The following LAMA2 variants were observed in gnomAD, a reference collection of about 807,000 sequenced individuals.
The protein encoded by LAMA2 is laminin subunit alpha 2, also known as laminin subunit alpha-2.
In LAMA2, 269 loss-of-function variants were observed where a neutral mutation model predicts 364.8. The ratio of observed to expected loss-of-function variants is 0.74; its 90% CI spans 0.67 to 0.82. The LOEUF (loss-of-function observed/expected upper bound fraction) is 0.82. Among genes scored for constraint, LAMA2 ranks in the 40% least tolerant of loss-of-function variants. The pLI is 0.00. For missense variants in LAMA2, 3,807 were observed against 3,873.2 expected (o/e 0.98, Z 0.45); for synonymous variants, 1,379 against 1,370.6 (o/e 1.01, Z -0.14).
intron 28 of LAMA2, among the ~76,000 whole-genome samples, chr6:129,326,438 T>G (rs1442172156): frequency 2.0e-5 from 3 of 152,130 alleles, no homozygotes; most frequent in Non-Finnish European, 4.4e-5. Context: ...CATTTGGACC[T>G]ACAACGCTAA....
intron 12 of LAMA2, among the ~76,000 whole-genome samples, chr6:129,202,939 A>G: frequency 6.6e-6 from 1 of 152,236 alleles, no homozygotes; most frequent in East Asian, 1.9e-4. Context: ...AAACAGGTGA[A>G]TAGCAATGCT....
chr6:129,277,101 G>T (rs1437915018), intron 17 of LAMA2, among the ~76,000 whole-genome samples: 1 of 152,104 alleles, frequency 6.6e-6, no homozygotes, highest in Non-Finnish European at 1.5e-5. Context: ...TGTGGAAAAT[G>T]CCCGCTGCTC....
At chr6:129,402,520 T>A in intron 39 of LAMA2, 33 bp downstream of exon 39, 1 of 1,603,136 alleles carries the variant, frequency 6.2e-7, no homozygotes, top group South Asian at 1.1e-5. Flanking sequence ...TGTTTGTGTA[T>A]TTTGATGCTT....
At chr6:129,441,495 G>A (rs780541189) in intron 43 of LAMA2, among the ~76,000 whole-genome samples, 6 of 151,778 alleles carry the variant, frequency 4.0e-5, no homozygotes, top group African/African-American at 1.5e-4. Context: ...ACATTTCTGG[G>A]AAATAAAAAT....
At chr6:129,491,606 A>G (rs940055582) in intron 56 of LAMA2, among the ~76,000 whole-genome samples, 9 of 152,240 alleles carry the variant, frequency 5.9e-5, no homozygotes. Flanking sequence ...CAGAAGCCTC[A>G]GTTCTCACAG....
chr6:129,399,592 C>T lies in LAMA2; in HGVS notation c.5446-1632C>T, dbSNP rs573401141. Among the ~76,000 whole-genome samples the T allele has an allele frequency of 2.0e-5, 3 of 152,226 alleles. No homozygotes were observed. The South Asian group carries it at 6.2e-4, about 32-fold the overall frequency. On this transcript the variant is annotated intron_variant, in intron 37 of 64. Transcript: ENST00000421865. The stretch of plus-strand genomic sequence containing the variant: ...TTGGATGTAGCTTTTAATCACTGTG[C>T]CCTAGTACATAGAGAATGATTGAGA...
chr6:129,035,616 G>A (rs1186497822), intron 1 of LAMA2, among the ~76,000 whole-genome samples: 1 of 149,262 alleles, frequency 6.7e-6, no homozygotes, highest in Non-Finnish European at 1.5e-5. Flanking sequence ...TTTTTCCTAG[G>A]TTTTCTTTTT....
At chr6:128,912,831 A>C (rs1024667970) in intron 1 of LAMA2, among the ~76,000 whole-genome samples, 3 of 152,224 alleles carry the variant, frequency 2.0e-5, no homozygotes, top group African/African-American at 7.2e-5. Context: ...TAACAGGAAC[A>C]GGGCAGTTTC....
intron 63 of LAMA2, among the ~76,000 whole-genome samples, chr6:129,514,051 T>A (rs1208017026): frequency 6.6e-6 from 1 of 152,204 alleles, no homozygotes; most frequent in Non-Finnish European, 1.5e-5. Context: ...TGAGGTAGAA[T>A]TTTTCCCTGT....
intron 1 of LAMA2, among the ~76,000 whole-genome samples, chr6:129,015,193 G>C (rs1343595650): frequency 6.6e-6 from 1 of 151,980 alleles, no homozygotes; most frequent in Non-Finnish European, 1.5e-5. Flanking sequence ...TAATTATATC[G>C]AATCTTCAGA....
intron 49 of LAMA2, among the ~76,000 whole-genome samples, chr6:129,462,657 G>T (rs1268183269): frequency 6.6e-6 from 1 of 151,902 alleles, no homozygotes; most frequent in Non-Finnish European, 1.5e-5. Context: ...TTACACACTT[G>T]TGTAAGTTTT....
At chr6:129,468,429 A>G (rs1783649643) in intron 51 of LAMA2, among the ~76,000 whole-genome samples, 1 of 151,820 alleles carries the variant, frequency 6.6e-6, no homozygotes, top group Non-Finnish European at 1.5e-5. Flanking sequence ...TATCCAATAT[A>G]TTTTCTCTAA....
At chr6:128,992,532 G>A (rs1008058661) in intron 1 of LAMA2, among the ~76,000 whole-genome samples, 1 of 152,174 alleles carries the variant, frequency 6.6e-6, no homozygotes, top group African/African-American at 2.4e-5. Flanking sequence ...GCAAGGCAAA[G>A]CATTCAAATA....
intron 4 of LAMA2, among the ~76,000 whole-genome samples, chr6:129,125,427 C>T (rs1298480307): frequency 6.6e-6 from 1 of 152,168 alleles, no homozygotes; most frequent in African/African-American, 2.4e-5. Flanking sequence ...AAGTAACAGT[C>T]TGAGAACTGA....
intron 35 of LAMA2, among the ~76,000 whole-genome samples, chr6:129,390,046 A>G (rs2114669168): frequency 6.6e-6 from 1 of 152,374 alleles, no homozygotes; most frequent in South Asian, 2.1e-4. Context: ...GGGTTAAAGT[A>G]CTGACTACAG....
chr6:129,069,772 TTGTATAA>T (rs1182606971), intron 3 of LAMA2, among the ~76,000 whole-genome samples: 3 of 148,264 alleles, frequency 2.0e-5, no homozygotes, highest in African/African-American at 7.3e-5. Flanking sequence ...AGATAATATA[TTGTATAA>T]TGTATAATTA....
chr6:129,283,199 G>C (rs1170483186), intron 18 of LAMA2, among the ~76,000 whole-genome samples: 3 of 152,102 alleles, frequency 2.0e-5, no homozygotes, highest in Non-Finnish European at 4.4e-5. Flanking sequence ...TAAGATTCTA[G>C]ACTTTTATCA....
At chr6:129,011,608 G>A (rs965455114) in intron 1 of LAMA2, among the ~76,000 whole-genome samples, 1 of 152,116 alleles carries the variant, frequency 6.6e-6, no homozygotes, top group South Asian at 2.1e-4. Context: ...CATTGGAGGT[G>A]GCAATAGTGT....
intron 1 of LAMA2, among the ~76,000 whole-genome samples, chr6:128,939,363 A>G (rs1780024752): frequency 6.6e-6 from 1 of 151,884 alleles, no homozygotes; most frequent in African/African-American, 2.4e-5. Flanking sequence ...CCAATGCTTG[A>G]TACATAGTAG....
Sources: allele counts gnomAD v4.1 joint callset (sites outside exome capture counted in the v4.1 genomes callset), GRCh38; gene constraint gnomAD v4.1.1; transcripts MANE v1.5; gene names NCBI Gene and HGNC (gene_info 2026-07-23, HGNC 2026-07-21).